HMGB1: variants seen among roughly 807,000 people sequenced by gnomAD.
The protein encoded by HMGB1 is high mobility group protein B1.
For synonymous variants in HMGB1, 81 were observed against 84.0 expected, an observed-to-expected ratio of 0.96 and a Z score of 0.19; for missense variants, 79 against 253.5, an observed-to-expected ratio of 0.31 and a Z score of 4.67.
chr13:30,612,568 C>T lies in HMGB1; in HGVS notation c.-15+4103G>A, dbSNP rs576035926. On this transcript the variant is annotated intron_variant, in intron 1 of 4. Transcript: ENST00000405805. ...TCTTTTGCTATTGTTTCTACCACTT[C>T]TCCTTTTCTGTTGACAATTATTTTA... Among the ~76,000 whole-genome samples, 3 of 152,312 alleles carry T rather than the reference C, an allele frequency of 2.0e-5. No homozygotes were observed. In the South Asian group the frequency reaches 6.2e-4, roughly 32 times the overall value.
At chr13:30,462,739 T>G in intron 3 of HMGB1, 27 bp from the exon 4 acceptor site, 2 of 1,587,428 alleles carry the variant, frequency 1.3e-6, no homozygotes, top group South Asian at 2.2e-5. Flanking sequence ...TTTTAGGATT[T>G]TAAGTTAACA....
At chr13:30,532,761 G>C (rs1306709022) in intron 1 of HMGB1, among the ~76,000 whole-genome samples, 1 of 151,968 alleles carries the variant, frequency 6.6e-6, no homozygotes, top group South Asian at 2.1e-4. Flanking sequence ...CACCTGCCTC[G>C]GCTGGGATTA....
At chr13:30,593,177 T>G (rs112174178) in intron 1 of HMGB1, among the ~76,000 whole-genome samples, 1 of 152,338 alleles carries the variant, frequency 6.6e-6, no homozygotes, top group Admixed American at 6.5e-5. Flanking sequence ...TTTCCCACTT[T>G]GGGCGGAAAG....
chr13:30,511,697 A>C (rs1887995296), intron 1 of HMGB1, among the ~76,000 whole-genome samples: 1 of 152,080 alleles, frequency 6.6e-6, no homozygotes, highest in Admixed American at 6.6e-5. Flanking sequence ...TGGGCCTTGC[A>C]TGTCCCATCT....
At chr13:30,608,393 G>A (rs1010617334) in intron 1 of HMGB1, among the ~76,000 whole-genome samples, 4 of 151,904 alleles carry the variant, frequency 2.6e-5, no homozygotes, top group Non-Finnish European at 5.9e-5. Context: ...ACAGCAACCC[G>A]ATGCAAAGTA....
intron 1 of HMGB1, chr13:30,464,138 G>T (rs56128626): frequency 1.2e-5 from 10 of 851,354 alleles, no homozygotes; most frequent in Non-Finnish European, 1.2e-5. Context: ...CCTAATTATG[G>T]GACCTTAAAA....
chr13:30,601,360 G>A (rs961228141), intron 1 of HMGB1, among the ~76,000 whole-genome samples: 1 of 152,202 alleles, frequency 6.6e-6, no homozygotes, highest in African/African-American at 2.4e-5. Context: ...ACATGGACAC[G>A]CATGAAAGAA....
At chr13:30,596,959 C>T (rs1466899038) in intron 1 of HMGB1, among the ~76,000 whole-genome samples, 3 of 152,174 alleles carry the variant, frequency 2.0e-5, no homozygotes, top group African/African-American at 7.2e-5. Context: ...CTGGGTTAGT[C>T]AGTGGACCTA....
chr13:30,467,454 C>T (rs1886820340), upstream of HMGB1, among the ~76,000 whole-genome samples: 1 of 152,096 alleles, frequency 6.6e-6, no homozygotes, highest in Non-Finnish European at 1.5e-5. Context: ...AGAAAATACA[C>T]TATCGGACTC....
intron 1 of HMGB1, among the ~76,000 whole-genome samples, chr13:30,487,280 C>A (rs1887385967): frequency 6.6e-6 from 1 of 152,256 alleles, no homozygotes; most frequent in African/African-American, 2.4e-5. Context: ...GGCCTGAGCA[C>A]TGCACCTAGT....
At chr13:30,465,185 C>CGCCGCCCG (rs1167707991) in intron 1 of HMGB1, 1 of 935,482 alleles carries the variant, frequency 1.1e-6, no homozygotes, top group African/African-American at 1.8e-5. Context: ...CCGCTCCCCC[C>CGCCGCCCG]GCCGCCCGGC....
In HMGB1 at chr13:30,599,429, T is replaced by C. The variant is rs563761930; in HGVS notation, c.-15+17242A>G. On this transcript the variant is annotated intron_variant, in intron 1 of 4. Coordinates refer to the HMGB1 transcript ENST00000405805. The stretch of plus-strand genomic sequence containing the variant: ...GTTGTGATGAGCTGAGATCAGGCCA[T>C]TGTACTCCAGCCTGGGCAACAAGAG... 2.5e-4 allele frequency among the ~76,000 whole-genome samples: 38 copies of C among 152,246 alleles called. 1 individual carries two copies. Among genetic ancestry groups the C allele is most frequent in the African/African-American group, 9.1e-4 (38 of 41,534 alleles).
Position 30,471,057 on chromosome 13 carries a change from C to T in HMGB1, c.-14-7363G>A, listed in dbSNP as rs1481743439. Among the ~76,000 whole-genome samples, 8 of 152,050 alleles carry T rather than the reference C, an allele frequency of 5.3e-5. No homozygotes were observed. The South Asian group carries it at 6.2e-4, about 12-fold the overall frequency. On this transcript the variant is annotated intron_variant, in intron 1 of 4. Transcript: ENST00000405805. ...GCAGTGGTGTGGTCTCAGCTCACTG[C>T]GACCTCCACCTCCCAGGTTCAAGCA...
chr13:30,483,952 T>G (rs1887300246), intron 1 of HMGB1, among the ~76,000 whole-genome samples: 1 of 152,152 alleles, frequency 6.6e-6, no homozygotes, highest in South Asian at 2.1e-4. Flanking sequence ...AGGCCACTCA[T>G]GGTCAGGCCC....
upstream of HMGB1, among the ~76,000 whole-genome samples, chr13:30,466,302 C>CA (rs903162578): frequency 9.9e-5 from 15 of 151,830 alleles, no homozygotes; most frequent in Admixed American, 6.6e-4. Flanking sequence ...GGTCTCCCCC[C>CA]CCCTTCTTGC....
chr13:30,527,889 G>A (rs149567127), intron 1 of HMGB1, among the ~76,000 whole-genome samples: 147 of 152,166 alleles, frequency 9.7e-4, no homozygotes, highest in African/African-American at 3.3e-3. Context: ...GCCTTCCATA[G>A]CCCCCTAATC....
intron 1 of HMGB1, among the ~76,000 whole-genome samples, chr13:30,573,277 T>C (rs1187375655): frequency 6.6e-6 from 1 of 152,150 alleles, no homozygotes; most frequent in Non-Finnish European, 1.5e-5. Context: ...TAAGGACAAA[T>C]TGACAGAAAC....
chr13:30,489,243 C>T (rs1478140241), intron 1 of HMGB1, among the ~76,000 whole-genome samples: 1 of 152,134 alleles, frequency 6.6e-6, no homozygotes, highest in Non-Finnish European at 1.5e-5. Flanking sequence ...TGCCTGTAGT[C>T]CCAGCTACTC....
chr13:30,575,861 G>A (rs946612144), intron 1 of HMGB1, among the ~76,000 whole-genome samples: 8 of 152,118 alleles, frequency 5.3e-5, no homozygotes, highest in Admixed American at 3.3e-4. Context: ...GCTGCAGTAA[G>A]CCACTGCACT....
Sources: allele counts gnomAD v4.1 joint callset (sites outside exome capture counted in the v4.1 genomes callset), GRCh38; gene constraint gnomAD v4.1.1; transcripts MANE v1.5; gene names NCBI Gene and HGNC (gene_info 2026-07-23, HGNC 2026-07-21).